The following ENOX1 variants were observed in gnomAD, a reference collection of about 807,000 sequenced individuals.
The protein encoded by ENOX1 is candidate growth-related and time keeping constitutive hydroquinone (NADH) oxidase.
A neutral mutation model predicts 82.5 loss-of-function variants in ENOX1; 42 were observed. The ratio of observed to expected loss-of-function variants is 0.51; its 90% CI spans 0.40 to 0.66. The LOEUF is 0.66. Ranked by LOEUF, ENOX1 falls within the 30% of genes least tolerant of loss-of-function variation. The probability of loss-of-function intolerance (pLI) is 0.00; values close to 1 mark genes in which losing one functional copy is unlikely to be tolerated. For synonymous variants in ENOX1, 271 were observed against 282.2 expected (o/e 0.96, Z 0.40); for missense variants, 608 against 811.6 (o/e 0.75, Z 3.05).
At chr13:43,769,672 A>G (rs1175347772) in intron 1 of ENOX1, among the ~76,000 whole-genome samples, 1 of 152,202 alleles carries the variant, frequency 6.6e-6, no homozygotes, top group Non-Finnish European at 1.5e-5. Context: ...CCCACCAAGC[A>G]CTAGGCTTAT....
intron 2 of ENOX1, among the ~76,000 whole-genome samples, chr13:43,505,541 A>C (rs1215019594): frequency 6.6e-6 from 1 of 151,946 alleles, no homozygotes; most frequent in African/African-American, 2.4e-5. Flanking sequence ...TGCAATCAAC[A>C]AACAAAAATA....
chr13:43,756,672 T>G (rs1220818385), intron 1 of ENOX1, among the ~76,000 whole-genome samples: 4 of 152,086 alleles, frequency 2.6e-5, no homozygotes, highest in Non-Finnish European at 1.5e-5. Context: ...TTATCTCCAG[T>G]GCCTAGTACT....
At chr13:43,481,326 G>GA (rs1330621216) in intron 3 of ENOX1, among the ~76,000 whole-genome samples, 3 of 152,084 alleles carry the variant, frequency 2.0e-5, no homozygotes, top group Non-Finnish European at 4.4e-5. Context: ...TGGACCAATG[G>GA]AAGAGGATAG....
intron 16 of ENOX1, among the ~76,000 whole-genome samples, chr13:43,214,691 TA>T (rs756191157): frequency 1.3e-4 from 20 of 152,220 alleles, no homozygotes; most frequent in Non-Finnish European, 2.6e-4. Context: ...AATTCAGGTA[TA>T]TTTTTTAATG....
intron 14 of ENOX1, among the ~76,000 whole-genome samples, chr13:43,249,738 A>G (rs536794637): frequency 6.6e-6 from 1 of 152,366 alleles, no homozygotes; most frequent in Admixed American, 6.5e-5. Context: ...ACACAATCTG[A>G]TAAATGAGAA....
chr13:43,586,944 C>T (rs1156874931), intron 2 of ENOX1, among the ~76,000 whole-genome samples: 2 of 151,494 alleles, frequency 1.3e-5, no homozygotes, highest in Non-Finnish European at 1.5e-5. Context: ...CGTGGTGGCA[C>T]GTGCCTGTAA....
chr13:43,600,544 G>A (rs908237656), intron 2 of ENOX1, among the ~76,000 whole-genome samples: 1 of 152,138 alleles, frequency 6.6e-6, no homozygotes, highest in Non-Finnish European at 1.5e-5. Flanking sequence ...GATTATTAAG[G>A]TTTCCAACTC....
chr13:43,439,639 G>T (rs913419824), intron 3 of ENOX1, among the ~76,000 whole-genome samples: 5 of 147,930 alleles, frequency 3.4e-5, no homozygotes, highest in African/African-American at 1.2e-4. Context: ...CATTATTGAT[G>T]AACATCCCTT....
At chr13:43,687,850 C>A (rs1392282175) in intron 1 of ENOX1, among the ~76,000 whole-genome samples, 1 of 152,064 alleles carries the variant, frequency 6.6e-6, no homozygotes, top group Non-Finnish European at 1.5e-5. Flanking sequence ...AAACCAAAGC[C>A]AATCTGGAGA....
At chr13:43,350,786 G>T (rs2049729390) in intron 8 of ENOX1, among the ~76,000 whole-genome samples, 1 of 152,134 alleles carries the variant, frequency 6.6e-6, no homozygotes, top group African/African-American at 2.4e-5. Flanking sequence ...GGGAGAAGCA[G>T]CCCTGAATTT....
chr13:43,256,405 C>T (rs2043747462), intron 14 of ENOX1, among the ~76,000 whole-genome samples: 1 of 152,130 alleles, frequency 6.6e-6, no homozygotes, highest in Non-Finnish European at 1.5e-5. Context: ...AACTCTCCAT[C>T]TGACAAGTGA....
intron 2 of ENOX1, among the ~76,000 whole-genome samples, chr13:43,619,952 G>T (rs1411419096): frequency 6.6e-6 from 1 of 151,922 alleles, no homozygotes; most frequent in South Asian, 2.1e-4. Context: ...GTCTGTTCAG[G>T]GTATCTAACT....
At chr13:43,310,318 G>C (rs1267597502) in intron 11 of ENOX1, among the ~76,000 whole-genome samples, 4 of 151,018 alleles carry the variant, frequency 2.6e-5, no homozygotes, top group African/African-American at 9.8e-5. Flanking sequence ...TTGAGAAACA[G>C]AGCTGTTTGG....
intron 2 of ENOX1, among the ~76,000 whole-genome samples, chr13:43,607,733 A>C (rs1388973011): frequency 6.6e-6 from 1 of 152,202 alleles, no homozygotes; most frequent in Non-Finnish European, 1.5e-5. Flanking sequence ...CAGTTGCTGA[A>C]GTCCCAGCCT....
rs1312983530 is a variant in ENOX1 at position 43,460,793 on chromosome 13, C to CAAAAAAAAAAA, written c.-75+23205_-75+23215dup. On this transcript the variant is annotated intron_variant, in intron 3 of 16. Transcript: ENST00000690772. ...CGGGCGACAGAGCGAGACTCCATCT[C>CAAAAAAAAAAA]AAAAAAAAAAAAAAAAAAAAAAAAA... Among the ~76,000 whole-genome samples, 18 of 25,722 alleles carry CAAAAAAAAAAA rather than the reference C, an allele frequency of 7.0e-4. 1 individual carries two copies. Among genetic ancestry groups the CAAAAAAAAAAA allele is most frequent in the African/African-American group, 9.6e-4 (5 of 5,234 alleles). 16.9% of individuals were successfully genotyped at this position (25,722 alleles called of 152,430 possible).
At chr13:43,708,025 T>G (rs1406924801) in intron 1 of ENOX1, among the ~76,000 whole-genome samples, 1 of 151,878 alleles carries the variant, frequency 6.6e-6, no homozygotes, top group African/African-American at 2.4e-5. Flanking sequence ...AATAATTGGT[T>G]GTAGCTGGTG....
intron 16 of ENOX1, among the ~76,000 whole-genome samples, chr13:43,222,459 G>A (rs1223522666): frequency 6.6e-6 from 1 of 152,086 alleles, no homozygotes; most frequent in Non-Finnish European, 1.5e-5. Flanking sequence ...TGCGATGATG[G>A]AGTGGAGGAA....
In ENOX1 at chr13:43,298,338, C is replaced by G. The variant is rs772064500; in HGVS notation, c.1446+8G>C. 1.3e-6 allele frequency: 2 copies of G among 1,567,980 alleles called. No homozygotes were observed. The highest frequency in any genetic ancestry group is 1.4e-5 in the African/African-American group (1 of 71,532). Reference sequence around the variant, plus strand: ...CTCAAAAAAAAAAAAAAAATCTGGGCCAGGTACCTGCTGCATGCCTTGCAT... The same window carrying G: ...CTCAAAAAAAAAAAAAAAATCTGGGGCAGGTACCTGCTGCATGCCTTGCAT... On this transcript the variant is annotated splice_region_variant and intron_variant, in intron 12 of 16. Coordinates refer to ENST00000690772, the MANE Select transcript of ENOX1 (RefSeq NM_001347969.2).
intron 1 of ENOX1, among the ~76,000 whole-genome samples, chr13:43,734,979 G>A (rs548588496): frequency 4.3e-4 from 66 of 152,280 alleles, no homozygotes; most frequent in African/African-American, 1.5e-3. Context: ...GCTTAGGCAG[G>A]CTTTCTACCA....
Sources: allele counts gnomAD v4.1 joint callset (sites outside exome capture counted in the v4.1 genomes callset), GRCh38; gene constraint gnomAD v4.1.1; transcripts MANE v1.5; gene names NCBI Gene and HGNC (gene_info 2026-07-23, HGNC 2026-07-21).